The following XRCC5 variants were observed in gnomAD, a reference collection of about 807,000 sequenced individuals.
The protein encoded by XRCC5 is X-ray repair cross complementing 5, also known as DNA repair protein Ku80.
XRCC5 carries 12 observed loss-of-function variants against 95.7 expected under a neutral mutation model. The ratio of observed to expected loss-of-function variants is 0.13; its 90% CI spans 0.08 to 0.20. The LOEUF (loss-of-function observed/expected upper bound fraction) is 0.20. XRCC5 is among the 10% of genes least tolerant of loss of function. The pLI, the probability that XRCC5 is intolerant of heterozygous loss-of-function variation, is 1.00. For missense variants in XRCC5, 595 were observed against 873.9 expected, an observed-to-expected ratio of 0.68 and a Z score of 4.02; for synonymous variants, 281 against 290.3, an observed-to-expected ratio of 0.97 and a Z score of 0.33.
chr2:216,180,172 C>T (rs1246910722), intron 16 of XRCC5, among the ~76,000 whole-genome samples: 1 of 152,182 alleles, frequency 6.6e-6, no homozygotes, highest in African/African-American at 2.4e-5. Flanking sequence ...GACTTTAAGA[C>T]ATGAGACTGG....
intron 17 of XRCC5, among the ~76,000 whole-genome samples, chr2:216,191,053 G>A (rs1219943550): frequency 1.3e-5 from 2 of 152,114 alleles, no homozygotes; most frequent in East Asian, 1.9e-4. Context: ...CAAGAAAATG[G>A]AAAAATCATT....
chr2:216,199,808 ATC>A (rs1429301481), intron 19 of XRCC5, among the ~76,000 whole-genome samples: 20 of 121,890 alleles, frequency 1.6e-4, no homozygotes, highest in Admixed American at 3.4e-4. Flanking sequence ...TGGCATTGGG[ATC>A]TTTTTTTTTT....
rs148782285 is a variant in XRCC5 at position 216,147,135 on chromosome 2, C to T, written c.1477-948C>T. On this transcript the variant is annotated intron_variant, in intron 13 of 20. Coordinates refer to ENST00000392132, the MANE Select transcript of XRCC5 (RefSeq NM_021141.4). ...ATATAGAGTGTCAGGGAAGGCCTCT[C>T]TGCGGAGATAGTATTTCAGCAAAGA... Among the ~76,000 whole-genome samples, 1,338 of 152,016 alleles carry T rather than the reference C, an allele frequency of 8.8e-3. 21 individuals carry two copies. Among genetic ancestry groups the T allele is most frequent in the African/African-American group, 0.031 (1,295 of 41,446 alleles).
chr2:216,190,093 G>T lies in XRCC5; in HGVS notation c.1835-132G>T. On this transcript the variant is annotated intron_variant, in intron 16 of 20. Transcript: ENST00000392132. ...TTTGCATCTCATCTCTCCCCTAAAA[G>T]AAGTATGGCAATTGTGCTTGCTGAC... 3 of 615,956 alleles carry T rather than the reference G, an allele frequency of 4.9e-6. No individual in the cohort carries two copies. The East Asian group carries it at 8.9e-5, about 18-fold the overall frequency. The allele number at this position is 615,956 out of a possible 1,614,324, so 38.2% of individuals were successfully genotyped here.
intron 14 of XRCC5, among the ~76,000 whole-genome samples, chr2:216,154,449 A>G (rs1311659219): frequency 2.6e-5 from 4 of 152,232 alleles, no homozygotes; most frequent in African/African-American, 9.6e-5. Context: ...TAAGCTCTTA[A>G]TAGCATCGCC....
chr2:216,159,832 G>A (rs1001614887), intron 14 of XRCC5, among the ~76,000 whole-genome samples: 7 of 152,312 alleles, frequency 4.6e-5, no homozygotes, highest in African/African-American at 1.7e-4. Flanking sequence ...GTGAAACAAA[G>A]CCAGGGCTGC....
At chr2:216,123,402 T>G (rs1305022976) in intron 6 of XRCC5, among the ~76,000 whole-genome samples, 1 of 152,250 alleles carries the variant, frequency 6.6e-6, no homozygotes, top group African/African-American at 2.4e-5. Context: ...TGAAGTTTCT[T>G]GGCGTAATGT....
At chr2:216,142,804 C>T (rs1359281034) in intron 13 of XRCC5, among the ~76,000 whole-genome samples, 1 of 152,078 alleles carries the variant, frequency 6.6e-6, no homozygotes, top group Non-Finnish European at 1.5e-5. Flanking sequence ...AAGAAACTGC[C>T]TGTTTTTTTG....
At chr2:216,117,632 A>G in intron 3 of XRCC5, 114 bp from the exon 4 acceptor site, 1 of 1,005,810 alleles carries the variant, frequency 9.9e-7, no homozygotes. Flanking sequence ...AAGTACTTTA[A>G]GTCATCACAT....
intron 19 of XRCC5, among the ~76,000 whole-genome samples, chr2:216,200,171 G>A (rs1689809839): frequency 6.6e-6 from 1 of 152,084 alleles, no homozygotes; most frequent in African/African-American, 2.4e-5. Flanking sequence ...CATGGCACCA[G>A]CTCTTCACGC....
At chr2:216,155,586 G>A (rs569903482) in intron 14 of XRCC5, among the ~76,000 whole-genome samples, 2 of 152,168 alleles carry the variant, frequency 1.3e-5, no homozygotes, top group African/African-American at 4.8e-5. Context: ...CAGTGTACTC[G>A]TCACTAGGGG....
chr2:216,168,327 T>C (rs1166791000), intron 16 of XRCC5, among the ~76,000 whole-genome samples: 1 of 152,216 alleles, frequency 6.6e-6, no homozygotes, highest in African/African-American at 2.4e-5. Context: ...TATATTTCAT[T>C]GGATGGCACA....
rs556447717 is a variant in XRCC5 at position 216,116,820 on chromosome 2, A to G, written c.297A>G (p.Gln99=). 3.4e-5 allele frequency: 55 copies of G among 1,614,160 alleles called. 1 individual carries two copies. The South Asian group carries it at 5.6e-4, about 16-fold the overall frequency. ...DLLEDIESKI[Q]PGSQQADFLD... is the part of the protein sequence containing the mutation. ...TGGAGGACATTGAAAGCAAAATCCA[A>G]CCAGGTTCTCAACAGGCTGACTGTA... Residue 99 remains glutamine (Q), a synonymous_variant, in exon 3 of 21, where the codon CAA becomes CAG. Coordinates refer to ENST00000392132, the MANE Select transcript of XRCC5 (RefSeq NM_021141.4).
chr2:216,137,640 A>C (rs1398640979), intron 11 of XRCC5, among the ~76,000 whole-genome samples: 1 of 152,218 alleles, frequency 6.6e-6, no homozygotes, highest in Non-Finnish European at 1.5e-5. Context: ...AACTATGAAT[A>C]AAGGCTGAGG....
chr2:216,134,753 A>T (rs919091363), intron 10 of XRCC5, among the ~76,000 whole-genome samples: 2 of 151,086 alleles, frequency 1.3e-5, no homozygotes, highest in African/African-American at 4.9e-5. Context: ...TCTTTTAAAC[A>T]TCCTAATTGG....
In XRCC5 at chr2:216,204,023, C is replaced by A. The variant is rs74659687; in HGVS notation, c.2110-299C>A. ...AAGCAGAACTGGAAACAGCAGATGT[C>A]CACCATGCTTATACAGGACACTACA... On this transcript the variant is annotated intron_variant, in intron 19 of 20. Transcript: ENST00000392132. 313 of 327,342 alleles carry A rather than the reference C, an allele frequency of 9.6e-4. 2 individuals are homozygous for A. Among genetic ancestry groups the A allele is most frequent in the African/African-American group, 6.2e-3 (300 of 48,430 alleles). The allele number at this position is 327,342 out of a possible 1,614,324, so 20.3% of individuals were successfully genotyped here.
intron 12 of XRCC5, 55 bp from the exon 13 acceptor site, chr2:216,141,131 G>T: frequency 1.2e-6 from 2 of 1,605,146 alleles, no homozygotes; most frequent in South Asian, 2.2e-5. Context: ...GAAAGCATTT[G>T]TTTTAGTGGA....
intron 19 of XRCC5, among the ~76,000 whole-genome samples, chr2:216,202,977 T>G (rs1262073463): frequency 6.6e-6 from 1 of 152,242 alleles, no homozygotes; most frequent in Non-Finnish European, 1.5e-5. Flanking sequence ...GTTTGACTTT[T>G]TAAAGAGACA....
At chr2:216,195,028 G>C in intron 19 of XRCC5, 42 bp downstream of exon 19, 1 of 1,588,282 alleles carries the variant, frequency 6.3e-7, no homozygotes, top group East Asian at 2.2e-5. Context: ...AATTATTATA[G>C]TGGACTTTAT....
Sources: allele counts gnomAD v4.1 joint callset (sites outside exome capture counted in the v4.1 genomes callset), GRCh38; gene constraint gnomAD v4.1.1; transcripts MANE v1.5; gene names NCBI Gene and HGNC (gene_info 2026-07-23, HGNC 2026-07-21).